The following CEP131 variants were observed in gnomAD, a reference collection of about 807,000 sequenced individuals.
CEP131 encodes centrosomal protein of 131 kDa.
Under a neutral mutation model 136.8 loss-of-function variants are expected in CEP131, and 99 were observed. The ratio of observed to expected loss-of-function variants is 0.72; its 90% confidence interval spans 0.62 to 0.86. The LOEUF is 0.86. CEP131 is among the 40% of genes least tolerant of loss of function. The pLI is 0.00. For missense variants in CEP131, 1,459 were observed against 1,463.0 expected, an observed-to-expected ratio of 1.00 and a Z score of 0.04; for synonymous variants, 646 against 612.7, an observed-to-expected ratio of 1.05 and a Z score of -0.80.
At chr17:81,194,845 C>T (rs574168291) in intron 17 of CEP131, 25 bp downstream of exon 17, 93 of 1,596,884 alleles carry the variant, frequency 5.8e-5, no homozygotes, top group African/African-American at 1.9e-4. Flanking sequence ...CACACCTGGC[C>T]GGCTCATGGG....
intron 24 of CEP131, 111 bp from the exon 25 acceptor site, chr17:81,190,086 C>A: frequency 2.1e-6 from 2 of 972,774 alleles, no homozygotes; most frequent in South Asian, 3.6e-5. Flanking sequence ...GGTCCCAGCC[C>A]TGCTGACCAC....
At position 81,215,086 on chromosome 17, in the gene CEP131, C is replaced by T. The variant is rs1173623455; in HGVS notation, c.177+4794G>A. On this transcript the variant is annotated intron_variant, in intron 2 of 25. Transcript: ENST00000450824. The surrounding 1 kb of genome is among the most constrained non-coding windows in gnomAD (Gnocchi z 4.1). ...GCCACCGCGCCTGGCCAAAAATTTA[C>T]AATTTAGTTTTAATTTTAATTTTAA... Among the ~76,000 whole-genome samples, 2 of 150,572 alleles carry T rather than the reference C, an allele frequency of 1.3e-5. No homozygotes were observed. Among genetic ancestry groups the T allele is most frequent in the East Asian group, 2.0e-4 (1 of 5,084 alleles).
chr17:81,219,686 T>G lies in CEP131; in HGVS notation c.177+194A>C, dbSNP rs938981425. On this transcript the variant is annotated intron_variant, in intron 2 of 25. Transcript: ENST00000450824. The surrounding 1 kb of genome is among the most constrained non-coding windows in gnomAD (Gnocchi z 4.0). ...TGCTGAAAGAATCCAAGCTCTGGCT[T>G]GACTTTCTAGTGATTCAGCACCCAC... Among the ~76,000 whole-genome samples the G allele has an allele frequency of 2.6e-5, 4 of 152,092 alleles. No homozygotes were observed. The highest frequency in any genetic ancestry group is 9.7e-5 in the African/African-American group (4 of 41,416).
At position 81,197,904 on chromosome 17, in the gene CEP131, C is replaced by G; in HGVS notation, c.1471-16G>C. ...CGTCATCCTCCTGTGGGACAGGAGC[C>G]CAGCATCGGGGGCTGTCAGGGCAGC... is the stretch of plus-strand genomic sequence containing the variant. On this transcript the variant is annotated splice_polypyrimidine_tract_variant and intron_variant, in intron 12 of 25. Coordinates refer to ENST00000450824, the MANE Select transcript of CEP131 (RefSeq NM_014984.4). The G allele has an allele frequency of 1.2e-6, 2 of 1,606,422 alleles. No individual in the cohort carries two copies. Among genetic ancestry groups the G allele is most frequent in the Non-Finnish European group, 8.5e-7 (1 of 1,175,398 alleles).
chr17:81,202,537 G>A, intron 6 of CEP131, 139 bp from the exon 7 acceptor site: 2 of 1,005,054 alleles, frequency 2.0e-6, no homozygotes, highest in Non-Finnish European at 1.4e-6. Context: ...GGGCAGAGGG[G>A]GACAGCGGCA....
intron 18 of CEP131, among the ~76,000 whole-genome samples, chr17:81,193,219 C>A (rs542571510): frequency 2.8e-4 from 42 of 152,342 alleles, no homozygotes; most frequent in Non-Finnish European, 5.3e-4. Context: ...TTATCCACCT[C>A]CCCTGCCTCC....
chr17:81,197,932 G>A (rs1219916479), intron 12 of CEP131, 44 bp from the exon 13 acceptor site: 2 of 1,586,200 alleles, frequency 1.3e-6, no homozygotes, highest in Non-Finnish European at 1.7e-6. Context: ...AGGGCAGCCT[G>A]AGGACTTGGG....
intron 3 of CEP131, among the ~76,000 whole-genome samples, chr17:81,207,654 A>C (rs985416687): frequency 6.6e-6 from 1 of 151,638 alleles, no homozygotes; most frequent in African/African-American, 2.4e-5. Context: ...CCGGCTGCCC[A>C]CCGAGGGCCT....
chr17:81,190,511 C>A, intron 24 of CEP131, 128 bp downstream of exon 24: 1 of 1,236,002 alleles, frequency 8.1e-7, no homozygotes, highest in Non-Finnish European at 1.1e-6. Context: ...CAGCCTCTGT[C>A]TACAGGGCCC....
Position 81,189,648 on chromosome 17 carries a change from G to T in CEP131, c.*121C>A. ...AAAATGCAGCCACAGGTGCTTAGCC[G>T]TGGGCATCTCAACCACCAGCCTCTG... On this transcript the variant is annotated 3_prime_UTR_variant, in exon 26 of 26. Coordinates refer to ENST00000450824, the MANE Select transcript of CEP131 (RefSeq NM_014984.4). 2 of 1,002,812 alleles carry T rather than the reference G, an allele frequency of 2.0e-6. No individual in the cohort carries two copies. The highest frequency in any genetic ancestry group is 2.9e-6 in the Non-Finnish European group (2 of 684,594). The allele number at this position is 1,002,812 out of a possible 1,614,324, so 62.1% of individuals were successfully genotyped here. A position where few individuals can be genotyped will look rare whatever the true frequency, so the allele number is the denominator to read the frequency against.
At position 81,207,179 on chromosome 17, in the gene CEP131, C is replaced by T; in HGVS notation, c.333G>A (p.Arg111=). The stretch of plus-strand genomic sequence containing the variant: ...TGGGGGCTGTGCTCAGGCTGGCAGG[C>T]CTCTTTTTCCCACTGGGGCTGCCCT... The part of the protein sequence containing the change: ...LFEGSPSGKK[R]PASLSTAPSE... The change falls in exon 4 of 26, where the codon AGG becomes AGA. Residue 111 remains arginine (R), a synonymous_variant. Transcript: ENST00000450824. 1.2e-6 allele frequency: 2 copies of T among 1,613,696 alleles called. No homozygotes were observed. Among genetic ancestry groups the T allele is most frequent in the Non-Finnish European group, 1.7e-6 (2 of 1,179,924 alleles).
intron 2 of CEP131, among the ~76,000 whole-genome samples, chr17:81,217,730 A>T (rs2062281232): frequency 2.0e-5 from 3 of 152,116 alleles, no homozygotes; most frequent in Admixed American, 6.5e-5. Context: ...GAACGAGGGG[A>T]CTGTTAGCAG....
intron 19 of CEP131, 51 bp downstream of exon 19, chr17:81,192,685 G>GGGGGGGGGGGGCC: frequency 1.0e-5 from 5 of 478,412 alleles, no homozygotes; most frequent in Non-Finnish European, 2.0e-5. Flanking sequence ...GGGGGGAGGG[G>GGGGGGGGGGGGCC]TCAGCCAGCG....
intron 18 of CEP131, among the ~76,000 whole-genome samples, chr17:81,193,317 G>A (rs2061684562): frequency 6.6e-6 from 1 of 152,200 alleles, no homozygotes; most frequent in Admixed American, 6.5e-5. Context: ...GGAGAGACTG[G>A]GGGACCAGCC....
In CEP131 at chr17:81,203,874, CGG is replaced by C. The variant is rs1341170050; in HGVS notation, c.516-269_516-268del. The C allele has an allele frequency of 4.5e-6, 2 of 442,264 alleles. No individual in the cohort carries two copies. The highest frequency in any genetic ancestry group is 4.1e-6 in the Non-Finnish European group (1 of 243,518). The allele number at this position is 442,264 out of a possible 1,614,324, so 27.4% of individuals were successfully genotyped here. ...GCATGAACGCTGGACGTGCCCAAGA[CGG>C]GGGGAGCAGCTCAGGCCAGCAGCTC... is the stretch of plus-strand genomic sequence containing the variant. On this transcript the variant is annotated intron_variant, in intron 5 of 25. Coordinates refer to ENST00000450824, the MANE Select transcript of CEP131 (RefSeq NM_014984.4). This position sits in a 1 kb window ranked among gnomAD's most constrained non-coding sequence, Gnocchi z 4.6.
At position 81,191,090 on chromosome 17, in the gene CEP131, G is replaced by A. The variant is rs749984582; in HGVS notation, c.2766-6C>T. The A allele has an allele frequency of 1.1e-5, 17 of 1,600,314 alleles. No individual in the cohort carries two copies. In the South Asian group the frequency reaches 1.7e-4, roughly 16 times the overall value. The stretch of plus-strand genomic sequence containing the variant: ...TGTCCCGTAAGCGCTTGATGCTGGA[G>A]GTGGGGGGAGGGCAGGGTCACTCCA... On this transcript the variant is annotated splice_polypyrimidine_tract_variant and splice_region_variant and intron_variant, in intron 22 of 25. Transcript: ENST00000450824.
At chr17:81,207,886 CCACA>C (rs1174400082) in intron 3 of CEP131, among the ~76,000 whole-genome samples, 2 of 134,190 alleles carry the variant, frequency 1.5e-5, no homozygotes, top group African/African-American at 2.7e-5. Context: ...ACCAAACACA[CCACA>C]CACACACATA....
chr17:81,202,281 G>A lies in CEP131; in HGVS notation c.747C>T (p.Gly249=). The stretch of plus-strand genomic sequence containing the variant: ...CCGTCACCTCCTTCCGCCTGGGCAA[G>A]CCCGTGCTGCCCCCAGTATTGTTCC... ...SARNNTGGST[G]LPRRKEVTEE... is the part of the protein sequence containing the mutation. The change falls in exon 7 of 26, where the codon GGC becomes GGT. Residue 249 remains glycine (G), a synonymous_variant. Coordinates refer to ENST00000450824, the MANE Select transcript of CEP131 (RefSeq NM_014984.4). The A allele has an allele frequency of 2.5e-6, 4 of 1,599,180 alleles. No homozygotes were observed. Among genetic ancestry groups the A allele is most frequent in the South Asian group, 1.1e-5 (1 of 90,756 alleles).
At chr17:81,212,858 A>G (rs746824555) in intron 2 of CEP131, among the ~76,000 whole-genome samples, 9 of 152,180 alleles carry the variant, frequency 5.9e-5, no homozygotes, top group Non-Finnish European at 1.2e-4. Flanking sequence ...ATCTATAGAC[A>G]GTGTGTATAT....
Sources: allele counts gnomAD v4.1 joint callset (sites outside exome capture counted in the v4.1 genomes callset), GRCh38; gene constraint gnomAD v4.1.1; non-coding constraint Gnocchi (gnomAD v3.1); transcripts MANE v1.5; gene names NCBI Gene and HGNC (gene_info 2026-07-23, HGNC 2026-07-21).